Variants in DPP6 observed in about 807,000 individuals in gnomAD.
DPP6 encodes dipeptidyl peptidase like 6, also known as A-type potassium channel modulatory protein DPP6.
A neutral mutation model predicts 122.6 loss-of-function variants in DPP6; 69 were observed. That is an observed-to-expected ratio of 0.56 (90% CI 0.46 to 0.69). The LOEUF (loss-of-function observed/expected upper bound fraction) is 0.69, where lower values mean the gene tolerates loss of function less well. DPP6 is among the 30% of genes least tolerant of loss of function. The pLI, the probability that DPP6 is intolerant of heterozygous loss-of-function variation, is 0.00. For synonymous variants in DPP6, 418 were observed against 433.1 expected, an observed-to-expected ratio of 0.97 and a Z score of 0.43; for missense variants, 928 against 1,116.9, an observed-to-expected ratio of 0.83 and a Z score of 2.41.
chr7:154,818,428 T>A (rs1185798297), intron 16 of DPP6, among the ~76,000 whole-genome samples: 3 of 152,200 alleles, frequency 2.0e-5, no homozygotes, highest in Non-Finnish European at 4.4e-5. Context: ...CTTTGCATGA[T>A]CCCAACATAG....
chr7:154,622,861 G>T (rs1834784154), intron 5 of DPP6, among the ~76,000 whole-genome samples: 2 of 152,278 alleles, frequency 1.3e-5, no homozygotes, highest in South Asian at 4.1e-4. Context: ...AACCTTCTCT[G>T]GTCACTTTCA....
chr7:153,815,885 T>A, the DPP6 span, among the ~76,000 whole-genome samples: 8 of 152,286 alleles, frequency 5.3e-5, no homozygotes, highest in East Asian at 1.2e-3. Context: ...AGAAATAAAT[T>A]AATATAAATT....
intron 5 of DPP6, chr7:154,587,802 T>C (rs764195815): frequency 1.2e-6 from 2 of 1,612,600 alleles, no homozygotes; most frequent in Admixed American, 1.7e-5. Flanking sequence ...TGCGTGACTA[T>C]GTCTCGGCAG....
At chr7:154,696,009 G>A (rs1390099237) in intron 7 of DPP6, among the ~76,000 whole-genome samples, 1 of 152,232 alleles carries the variant, frequency 6.6e-6, no homozygotes, top group East Asian at 1.9e-4. Context: ...CTCAGAGGAG[G>A]CAGGCCCTGT....
rs1187190021 is a variant in DPP6, at chr7:154,755,475, T to A, written c.884-13942T>A. ...GTGAGCTTCGGCACATTATTTAAAC[T>A]TTTTTTCCCTTAGTTCCCTTAAGGG... On this transcript the variant is annotated intron_variant, in intron 8 of 25. Transcript: ENST00000377770. The surrounding 1 kb of genome is among the most constrained non-coding windows in gnomAD (Gnocchi z 4.7). Among the ~76,000 whole-genome samples, 1 of 55,770 alleles carries A rather than the reference T, an allele frequency of 1.8e-5. No individual in the cohort carries two copies. The highest frequency in any genetic ancestry group is 1.4e-4 in the African/African-American group (1 of 7,114). The allele number at this position is 55,770 out of a possible 152,430, so 36.6% of individuals were successfully genotyped here.
At chr7:154,281,512 A>G (rs1804512225) in intron 1 of DPP6, among the ~76,000 whole-genome samples, 1 of 152,188 alleles carries the variant, frequency 6.6e-6, no homozygotes, top group Non-Finnish European at 1.5e-5. Flanking sequence ...ACAGTATTGC[A>G]AAACTTAACA....
At chr7:154,883,069 ATGCTCACCCATACACC>A (rs980239342) in intron 21 of DPP6, among the ~76,000 whole-genome samples, 3 of 149,790 alleles carry the variant, frequency 2.0e-5, no homozygotes, top group Non-Finnish European at 4.5e-5. Flanking sequence ...ATTCACACAC[ATGCTCACCCATACACC>A]TGCTCACCCA....
At chr7:154,837,534 G>A (rs1196890416) in intron 16 of DPP6, among the ~76,000 whole-genome samples, 1 of 152,248 alleles carries the variant, frequency 6.6e-6, no homozygotes, top group East Asian at 1.9e-4. Flanking sequence ...GCCAGCTCTG[G>A]GGGTGGGGGC....
intron 1 of DPP6, among the ~76,000 whole-genome samples, chr7:154,167,695 A>G (rs1042919266): frequency 1.3e-5 from 2 of 152,196 alleles, no homozygotes; most frequent in South Asian, 2.1e-4. Flanking sequence ...TTCACGTTTT[A>G]TAACATTAGC....
At chr7:153,826,153 G>C in the DPP6 span, among the ~76,000 whole-genome samples, 1 of 152,182 alleles carries the variant, frequency 6.6e-6, no homozygotes, top group Non-Finnish European at 1.5e-5. Flanking sequence ...TGAACTGCCA[G>C]GGCCATCTCC....
chr7:154,459,588 G>A (rs1821095381), intron 2 of DPP6, among the ~76,000 whole-genome samples: 1 of 151,928 alleles, frequency 6.6e-6, no homozygotes, highest in Non-Finnish European at 1.5e-5. Context: ...TCAGCACTTT[G>A]GGAGGCCGAG....
chr7:153,922,354 C>T (rs1800678591), intron 1 of DPP6, among the ~76,000 whole-genome samples: 1 of 152,080 alleles, frequency 6.6e-6, no homozygotes, highest in South Asian at 2.1e-4. Flanking sequence ...TTCAGATTAG[C>T]TGGGCATAGT....
At chr7:154,225,235 G>A (rs62484137) in intron 1 of DPP6, among the ~76,000 whole-genome samples, 30 of 152,022 alleles carry the variant, frequency 2.0e-4, no homozygotes, top group African/African-American at 6.8e-4. Flanking sequence ...TTTATACCTC[G>A]AATCCCTTTT....
intron 1 of DPP6, among the ~76,000 whole-genome samples, chr7:154,279,740 G>A (rs1804382735): frequency 1.3e-5 from 2 of 152,196 alleles, no homozygotes; most frequent in South Asian, 2.1e-4. Context: ...GATTGAATGC[G>A]TTGCCTTTTT....
chr7:154,881,744 G>A (rs1805405474), intron 21 of DPP6, among the ~76,000 whole-genome samples: 1 of 152,208 alleles, frequency 6.6e-6, no homozygotes, highest in African/African-American at 2.4e-5. Context: ...CCTGCCCTGT[G>A]GGCTGCTCCC....
At chr7:154,446,744 A>G (rs1819907965) in intron 2 of DPP6, among the ~76,000 whole-genome samples, 2 of 152,254 alleles carry the variant, frequency 1.3e-5, no homozygotes, top group African/African-American at 2.4e-5. Context: ...TGAATATTAC[A>G]TAAAGTATAA....
rs184708150 is a variant in DPP6, at chr7:154,742,161, C to T, written c.883+14274C>T. 5.3e-5 allele frequency among the ~76,000 whole-genome samples: 8 copies of T among 152,316 alleles called. No individual in the cohort carries two copies. The East Asian group carries it at 1.5e-3, about 29-fold the overall frequency. ...AGACAGGGACCCTTCCCTTGAGGAA[C>T]TGATACACAGTCAGTCCGATGGAGG... is the stretch of plus-strand genomic sequence containing the variant. On this transcript the variant is annotated intron_variant, in intron 8 of 25. Coordinates refer to ENST00000377770, the MANE Select transcript of DPP6 (RefSeq NM_130797.4).
At chr7:154,620,415 G>T (rs1479668653) in intron 5 of DPP6, among the ~76,000 whole-genome samples, 5 of 152,140 alleles carry the variant, frequency 3.3e-5, no homozygotes, top group African/African-American at 1.2e-4. Flanking sequence ...TCATCTCAAA[G>T]GCAAAACATA....
At chr7:154,165,343 T>C (rs1797194171) in intron 1 of DPP6, among the ~76,000 whole-genome samples, 1 of 142,426 alleles carries the variant, frequency 7.0e-6, no homozygotes, top group African/African-American at 3.0e-5. Flanking sequence ...AACTCATCAT[T>C]TTTTATGACC....
Sources: gnomAD v4.1 joint callset for allele counts (sites outside exome capture counted in the v4.1 genomes callset) on GRCh38, gnomAD v4.1.1 for gene constraint, Gnocchi (gnomAD v3.1) non-coding constraint, MANE v1.5 for transcripts, NCBI Gene and HGNC (gene_info 2026-07-23, HGNC 2026-07-21) for gene names.